Variants in UBN2 observed in about 807,000 individuals in gnomAD.
The protein encoded by UBN2 is ubinuclein 2.
A neutral mutation model predicts 120.2 loss-of-function variants in UBN2; 35 were observed. That is an observed-to-expected ratio of 0.29 (90% CI 0.22 to 0.39). The LOEUF (loss-of-function observed/expected upper bound fraction) is 0.39, where lower values mean the gene tolerates loss of function less well. Ranked by LOEUF, UBN2 falls within the 10% of genes least tolerant of loss-of-function variation. The probability of loss-of-function intolerance (pLI) is 1.00; values close to 1 mark genes in which losing one functional copy is unlikely to be tolerated. For synonymous variants in UBN2, 661 were observed against 648.7 expected (o/e 1.02, Z -0.29); for missense variants, 1,693 against 1,663.2 (o/e 1.02, Z -0.31).
chr7:139,240,315 C>G (rs913007886), intron 2 of UBN2, among the ~76,000 whole-genome samples: 1 of 150,578 alleles, frequency 6.6e-6, no homozygotes, highest in African/African-American at 2.4e-5. Flanking sequence ...TTGGTAGAGA[C>G]AGGGTCTTGT....
intron 11 of UBN2, among the ~76,000 whole-genome samples, chr7:139,274,606 T>C (rs940223472): frequency 1.3e-5 from 2 of 151,466 alleles, no homozygotes; most frequent in Non-Finnish European, 2.9e-5. Context: ...CTACTAAAAA[T>C]ACAAAATTAG....
Position 139,283,189 on chromosome 7 carries a change from T to C in UBN2, c.2284T>C (p.Phe762Leu), listed in dbSNP as rs1259171713. The part of the protein sequence containing the change: ...LDDSLDEDLS[F>L]HSPSLDLVSE... The stretch of plus-strand genomic sequence containing the variant: ...CGACTCACTAGATGAAGACCTTTCT[T>C]TCCATTCACCTTCACTGGATCTTGT... Residue 762 changes from phenylalanine (F) to leucine (L), a missense_variant, in exon 15 of 18, where the codon TTC becomes CTC. Around this residue, in one of 5 missense-constraint regions of UBN2, gnomAD observed 837 missense variants for 817.6 expected, o/e 1.02. Coordinates refer to ENST00000473989, the MANE Select transcript of UBN2 (RefSeq NM_173569.4). 3.7e-6 allele frequency: 6 copies of C among 1,612,436 alleles called. No individual in the cohort carries two copies. Among genetic ancestry groups the C allele is most frequent in the Non-Finnish European group, 8.5e-7 (1 of 1,179,860 alleles).
Position 139,276,122 on chromosome 7 carries a change from G to A in UBN2, c.1999G>A (p.Val667Ile), listed in dbSNP as rs755583658. ...AATGCTTTTTAAGGAAAGCCGGAGT[G>A]TTCATAATCATCTTACTTCTGCTCC... ...ARMLFKESRS[V>I]HNHLTSAPAK... The change falls in exon 12 of 18, where the codon GTT becomes ATT. Residue 667 changes from valine (V) to isoleucine (I), a missense_variant. Physicochemically the swap from Val to Ile is conservative, Grantham distance 29. This residue lies in a region of UBN2 where 837 missense variants were observed against 817.6 expected (regional missense o/e 1.02). Transcript: ENST00000473989. The A allele has an allele frequency of 6.2e-7, 1 of 1,613,498 alleles. No homozygotes were observed. The highest frequency in any genetic ancestry group is 1.1e-5 in the South Asian group (1 of 90,976).
the UBN2 span, among the ~76,000 whole-genome samples, chr7:139,326,774 G>A: frequency 3.3e-5 from 5 of 152,334 alleles, no homozygotes; most frequent in Non-Finnish European, 7.3e-5. Context: ...TGGGAGCAGA[G>A]AAGCCAGCCA....
At chr7:139,314,194 C>T in the UBN2 span, among the ~76,000 whole-genome samples, 34 of 150,438 alleles carry the variant, frequency 2.3e-4, no homozygotes, top group Non-Finnish European at 3.8e-4. Flanking sequence ...CAGTGGTTCA[C>T]GCCTGTAATC....
chr7:139,322,026 T>C, the UBN2 span, among the ~76,000 whole-genome samples: 2 of 151,114 alleles, frequency 1.3e-5, no homozygotes, highest in Admixed American at 6.6e-5. Context: ...CAGGCTGGAG[T>C]GCAGTGGCAC....
intron 4 of UBN2, among the ~76,000 whole-genome samples, chr7:139,258,827 TA>T (rs1164632526): frequency 1.3e-5 from 2 of 152,210 alleles, no homozygotes; most frequent in African/African-American, 4.8e-5. Context: ...TATTTTCTTA[TA>T]AAAACTTCTC....
intron 6 of UBN2, among the ~76,000 whole-genome samples, chr7:139,265,620 G>GT (rs1797075269): frequency 6.6e-6 from 1 of 152,204 alleles, no homozygotes; most frequent in Admixed American, 6.5e-5. Context: ...AGATGGGGTT[G>GT]TTATCCTAGA....
intron 17 of UBN2, 102 bp from the exon 18 acceptor site, chr7:139,297,685 C>A: frequency 9.8e-7 from 1 of 1,018,170 alleles, no homozygotes; most frequent in South Asian, 1.4e-5. Context: ...TCAGAGATGT[C>A]ATCCACAAAA....
Position 139,288,648 on chromosome 7 carries a change from T to C in UBN2, c.3669+4074T>C, listed in dbSNP as rs114965914. ...TGATTTGCATTTCAAAAGTTTACTC[T>C]GGGCGTTGTGGGGAATAGGGGACCA... On this transcript the variant is annotated intron_variant, in intron 15 of 17. Transcript: ENST00000473989. Among the ~76,000 whole-genome samples, 988 of 152,208 alleles carry C rather than the reference T, an allele frequency of 6.5e-3. 19 individuals are homozygous for C. Among genetic ancestry groups the C allele is most frequent in the African/African-American group, 0.022 (929 of 41,514 alleles).
At chr7:139,238,005 A>G (rs887016679) in intron 2 of UBN2, among the ~76,000 whole-genome samples, 3 of 152,226 alleles carry the variant, frequency 2.0e-5, no homozygotes, top group Non-Finnish European at 2.9e-5. Flanking sequence ...ATTTTTAATT[A>G]CCTGATTAAG....
intron 17 of UBN2, among the ~76,000 whole-genome samples, chr7:139,295,228 G>A (rs1585033103): frequency 6.6e-6 from 1 of 152,134 alleles, no homozygotes; most frequent in African/African-American, 2.4e-5. Flanking sequence ...TAAGTGGTGA[G>A]CTGTCTCAGT....
At chr7:139,295,237 G>A (rs1184884575) in intron 17 of UBN2, among the ~76,000 whole-genome samples, 1 of 152,184 alleles carries the variant, frequency 6.6e-6, no homozygotes, top group Non-Finnish European at 1.5e-5. Context: ...AGCTGTCTCA[G>A]TCTTAACCTT....
At chr7:139,258,859 AT>A (rs1490254327) in intron 4 of UBN2, among the ~76,000 whole-genome samples, 1 of 152,142 alleles carries the variant, frequency 6.6e-6, no homozygotes, top group African/African-American at 2.4e-5. Flanking sequence ...TGGGCTAATA[AT>A]TTACTGTTTC....
At chr7:139,322,848 A>T in the UBN2 span, among the ~76,000 whole-genome samples, 11 of 151,946 alleles carry the variant, frequency 7.2e-5, no homozygotes, top group Admixed American at 2.0e-4. Flanking sequence ...GGACTTTTTT[A>T]AAAAACCAAA....
At chr7:139,320,147 C>T in the UBN2 span, among the ~76,000 whole-genome samples, 4 of 151,752 alleles carry the variant, frequency 2.6e-5, no homozygotes, top group Non-Finnish European at 2.9e-5. Context: ...CTCTGCACAT[C>T]TAATTATCCA....
intron 6 of UBN2, 93 bp from the exon 7 acceptor site, chr7:139,266,240 A>G (rs925955809): frequency 5.9e-5 from 49 of 830,546 alleles, no homozygotes; most frequent in East Asian, 1.4e-4. Flanking sequence ...AAAAAAAAAA[A>G]AAAAAGAAAA....
At chr7:139,310,077 C>T (rs1490289154), downstream of UBN2, among the ~76,000 whole-genome samples, 1 of 152,154 alleles carries the variant, frequency 6.6e-6, no homozygotes, top group East Asian at 1.9e-4. Flanking sequence ...GAAGGGGCCT[C>T]TCCCTGTCTC....
chr7:139,314,256 A>T, the UBN2 span, among the ~76,000 whole-genome samples: 5 of 149,396 alleles, frequency 3.3e-5, no homozygotes, highest in Admixed American at 1.3e-4. Context: ...GGAGTTCAAG[A>T]CTAGCCTGGC....
Sources: allele counts gnomAD v4.1 joint callset (sites outside exome capture counted in the v4.1 genomes callset), GRCh38; gene constraint gnomAD v4.1.1; regional missense constraint gnomAD v4.1.1; transcripts MANE v1.5; gene names NCBI Gene and HGNC (gene_info 2026-07-23, HGNC 2026-07-21).